ECHDC3: variants seen among roughly 807,000 people sequenced by gnomAD.
The protein encoded by ECHDC3 is enoyl-CoA hydratase domain-containing protein 3, mitochondrial.
In ECHDC3, 20 loss-of-function variants were observed where a neutral mutation model predicts 17.9. The ratio of observed to expected loss-of-function variants is 1.12; its 90% confidence interval spans 0.79 to 1.63. The LOEUF (loss-of-function observed/expected upper bound fraction) is 1.63, where lower values mean the gene tolerates loss of function less well. ECHDC3 is among the 40% of genes most tolerant of loss of function. The pLI, the probability that ECHDC3 is intolerant of heterozygous loss-of-function variation, is 0.00. For synonymous variants in ECHDC3, 177 were observed against 149.7 expected (o/e 1.18, Z -1.33); for missense variants, 407 against 357.7 (o/e 1.14, Z -1.11).
Position 11,742,585 on chromosome 10 carries a change from C to T in ECHDC3, c.9C>T (p.Ala3=), listed in dbSNP as rs985597442. Residue 3 remains alanine, a synonymous_variant, in exon 1 of 5, where the codon GCC becomes GCT. Coordinates refer to ENST00000379215, the MANE Select transcript of ECHDC3 (RefSeq NM_024693.5). ...TGGCCATCCCGAATGCTATGGCCGCCGTCGCCGTCTTGCGGGCCTTCGGGG... is the reference window on the plus strand; with the variant it reads ...TGGCCATCCCGAATGCTATGGCCGCTGTCGCCGTCTTGCGGGCCTTCGGGG... MA[A]VAVLRAFGAS... 38 of 1,287,774 alleles carry T rather than the reference C, an allele frequency of 3.0e-5. No individual in the cohort carries two copies. The African/African-American group carries it at 5.6e-4, about 19-fold the overall frequency. 79.8% of individuals were successfully genotyped at this position (1,287,774 alleles called of 1,614,324 possible).
intron 1 of ECHDC3, chr10:11,742,976 G>A: frequency 2.6e-6 from 1 of 383,412 alleles, no homozygotes. Context: ...CGGGGTCACT[G>A]GGCCTCCAGT....
At chr10:11,761,981 C>G (rs940242985) in intron 4 of ECHDC3, among the ~76,000 whole-genome samples, 3 of 151,948 alleles carry the variant, frequency 2.0e-5, no homozygotes, top group African/African-American at 7.3e-5. Context: ...ACCTGTAATC[C>G]TAGCACTTTA....
chr10:11,745,136 G>T (rs1832745846), intron 1 of ECHDC3, among the ~76,000 whole-genome samples: 1 of 152,210 alleles, frequency 6.6e-6, no homozygotes. Flanking sequence ...GAGATGGTTG[G>T]TGAGAAGAGC....
At chr10:11,748,754 C>G (rs956374355) in intron 2 of ECHDC3, among the ~76,000 whole-genome samples, 2 of 152,084 alleles carry the variant, frequency 1.3e-5, no homozygotes, top group African/African-American at 4.8e-5. Flanking sequence ...GGCGTGGGGG[C>G]AGGCACCTGT....
chr10:11,746,463 T>A (rs1373812964), intron 1 of ECHDC3, among the ~76,000 whole-genome samples: 1 of 151,880 alleles, frequency 6.6e-6, no homozygotes, highest in Admixed American at 6.6e-5. Context: ...TGAAACTAAC[T>A]AAAAGAGTAT....
intron 4 of ECHDC3, among the ~76,000 whole-genome samples, chr10:11,757,081 G>A (rs1832892917): frequency 6.6e-6 from 1 of 152,172 alleles, no homozygotes; most frequent in Non-Finnish European, 1.5e-5. Flanking sequence ...ATAACAAATT[G>A]ATTGTCAGAG....
chr10:11,752,641 T>C lies in ECHDC3; in HGVS notation c.391-2767T>C, dbSNP rs576490532. Among the ~76,000 whole-genome samples the C allele has an allele frequency of 7.9e-5, 12 of 152,328 alleles. No homozygotes were observed. The Middle Eastern group carries it at 0.01, about 130-fold the overall frequency. ...AGTATAGAATTACGTAATATGATTATAGCATTGATTGCTTACTATATGCCA... is the reference window on the plus strand; with the variant it reads ...AGTATAGAATTACGTAATATGATTACAGCATTGATTGCTTACTATATGCCA... On this transcript the variant is annotated intron_variant, in intron 3 of 4. Transcript: ENST00000379215.
chr10:11,763,408 T>TGCCCCAGGACCTGGGGACGGCTTAC lies in ECHDC3; in HGVS notation c.777_801dup (p.Tyr268AlafsTer88), dbSNP rs1231710085. The TGCCCCAGGACCTGGGGACGGCTTAC allele has an allele frequency of 6.3e-6, 5 of 788,440 alleles. No individual in the cohort carries two copies. In the African/African-American group the frequency reaches 8.4e-5, roughly 13 times the overall value. The allele number at this position is 788,440 out of a possible 1,614,324, so 48.8% of individuals were successfully genotyped here. ...GGCAAAGCCACCTTCTACAAGCAGC[T>TGCCCCAGGACCTGGGGACGGCTTAC]GCCCCAGGACCTGGGGACGGCTTAC... is the stretch of plus-strand genomic sequence containing the variant. On this transcript the variant is annotated frameshift_variant, in exon 5 of 5. Transcript: ENST00000379215. LOFTEE classifies it high-confidence loss of function. The surrounding 1 kb of genome is among the most constrained non-coding windows in gnomAD (Gnocchi z 4.9).
chr10:11,762,607 C>T (rs760991941), intron 4 of ECHDC3, among the ~76,000 whole-genome samples: 17 of 152,278 alleles, frequency 1.1e-4, no homozygotes, highest in Non-Finnish European at 1.8e-4. Context: ...TGGGCTCCCC[C>T]GCTCTTCACC....
intron 4 of ECHDC3, among the ~76,000 whole-genome samples, chr10:11,759,355 TTAAA>T (rs1564285313): frequency 2.9e-5 from 1 of 33,966 alleles, no homozygotes; most frequent in Non-Finnish European, 8.5e-5. Context: ...ACTCCATCTC[TTAAA>T]AAAAAAAAAA....
intron 2 of ECHDC3, among the ~76,000 whole-genome samples, 197 bp downstream of exon 2, chr10:11,747,667 T>G (rs1832777533): frequency 6.6e-6 from 1 of 152,248 alleles, no homozygotes; most frequent in Non-Finnish European, 1.5e-5. Context: ...ATAACAAAGA[T>G]GACTGTTCAG....
At chr10:11,762,579 G>T (rs1179422285) in intron 4 of ECHDC3, among the ~76,000 whole-genome samples, 2 of 152,310 alleles carry the variant, frequency 1.3e-5, no homozygotes, top group East Asian at 3.9e-4. Context: ...CAGAGGACAC[G>T]GTGAGGAGGG....
At chr10:11,761,690 G>A (rs568150765) in intron 4 of ECHDC3, among the ~76,000 whole-genome samples, 12 of 152,236 alleles carry the variant, frequency 7.9e-5, no homozygotes, top group Admixed American at 2.0e-4. Flanking sequence ...CGGCCTCTCC[G>A]TGTGGCTTGG....
rs560652176 is a variant in ECHDC3, at chr10:11,754,786, C to G, written c.391-622C>G. Among the ~76,000 whole-genome samples, 4 of 152,332 alleles carry G rather than the reference C, an allele frequency of 2.6e-5. No individual in the cohort carries two copies. In the East Asian group the frequency reaches 5.8e-4, roughly 22 times the overall value. ...CAGGAAGGCAGGCGGGGGTCTGTCA[C>G]TACTCAAGAGCTGAGCTTGGGGCCA... On this transcript the variant is annotated intron_variant, in intron 3 of 4. Transcript: ENST00000379215.
At position 11,756,049 on chromosome 10, in the gene ECHDC3, C is replaced by T. The variant is rs544305725; in HGVS notation, c.591+441C>T. On this transcript the variant is annotated intron_variant, in intron 4 of 4. Coordinates refer to ENST00000379215, the MANE Select transcript of ECHDC3 (RefSeq NM_024693.5). ...GAGCCTAGGATAGTAGTGTCGCTGG[C>T]TCACTCTTCATCAACAGTCTGTCTT... Among the ~76,000 whole-genome samples, 18 of 152,322 alleles carry T rather than the reference C, an allele frequency of 1.2e-4. No individual in the cohort carries two copies. The South Asian group carries it at 3.7e-3, about 32-fold the overall frequency.
At chr10:11,748,789 G>A (rs1051827453) in intron 2 of ECHDC3, among the ~76,000 whole-genome samples, 5 of 152,212 alleles carry the variant, frequency 3.3e-5, no homozygotes, top group Admixed American at 6.5e-5. Flanking sequence ...AGGAGGCTAA[G>A]GCACAAGAAT....
At position 11,757,775 on chromosome 10, in the gene ECHDC3, G is replaced by A. The variant is rs531947747; in HGVS notation, c.591+2167G>A. Among the ~76,000 whole-genome samples the A allele has an allele frequency of 2.6e-5, 4 of 152,330 alleles. No homozygotes were observed. In the South Asian group the frequency reaches 8.3e-4, roughly 32 times the overall value. On this transcript the variant is annotated intron_variant, in intron 4 of 4. Transcript: ENST00000379215. The stretch of plus-strand genomic sequence containing the variant: ...AGTACTGATAATGGGAATTTTGCAG[G>A]AAGAAACAGGCTTTTGGAACTTAAT...
rs1395644463 is a variant in ECHDC3, at chr10:11,759,618, A to C, written c.592-3606A>C. On this transcript the variant is annotated intron_variant, in intron 4 of 4. Coordinates refer to ENST00000379215, the MANE Select transcript of ECHDC3 (RefSeq NM_024693.5). ...ATGGACTAAGACACCACACCCATGC[A>C]AAGGGGCATGACGTGGGGAGAGTCC... Among the ~76,000 whole-genome samples, 3 of 152,180 alleles carry C rather than the reference A, an allele frequency of 2.0e-5. No homozygotes were observed. The East Asian group carries it at 5.8e-4, about 29-fold the overall frequency.
chr10:11,750,659 G>A (rs539568186), intron 3 of ECHDC3, among the ~76,000 whole-genome samples: 71 of 152,260 alleles, frequency 4.7e-4, no homozygotes, highest in African/African-American at 1.7e-3. Flanking sequence ...AAGACATTGA[G>A]GGAAACATAA....
Sources: gnomAD v4.1 joint callset for allele counts (sites outside exome capture counted in the v4.1 genomes callset) on GRCh38, gnomAD v4.1.1 for gene constraint, Gnocchi (gnomAD v3.1) non-coding constraint, MANE v1.5 for transcripts, NCBI Gene and HGNC (gene_info 2026-07-23, HGNC 2026-07-21) for gene names.